The following PCDHA8 variants were observed in gnomAD, a reference collection of about 807,000 sequenced individuals.
PCDHA8 encodes protocadherin alpha-8.
In PCDHA8, 53 loss-of-function variants were observed where a neutral mutation model predicts 61.8. The ratio of observed to expected loss-of-function variants is 0.86; its 90% CI spans 0.69 to 1.08. PCDHA8 has a LOEUF of 1.08. PCDHA8 is among the 50% of genes least tolerant of loss of function. PCDHA8 has a pLI of 0.00. For synonymous variants in PCDHA8, 618 were observed against 556.6 expected, an observed-to-expected ratio of 1.11 and a Z score of -1.55; for missense variants, 1,293 against 1,245.0, an observed-to-expected ratio of 1.04 and a Z score of -0.58.
intron 1 of PCDHA8, among the ~76,000 whole-genome samples, chr5:140,973,587 C>T (rs2096594455): frequency 6.6e-6 from 1 of 152,194 alleles, no homozygotes; most frequent in African/African-American, 2.4e-5. Flanking sequence ...ACTGCTGAGC[C>T]AGATGGAATT....
At chr5:140,864,304 A>G (rs2048411725) in intron 1 of PCDHA8, 1 of 152,230 alleles carries the variant, frequency 6.6e-6, no homozygotes, top group East Asian at 1.9e-4. Flanking sequence ...CAAAAATACC[A>G]TGACAATATT....
chr5:140,965,242 A>T (rs1373643411), intron 1 of PCDHA8, among the ~76,000 whole-genome samples: 2 of 152,196 alleles, frequency 1.3e-5, no homozygotes, highest in African/African-American at 4.8e-5. Context: ...GGGAAGAGTG[A>T]ATATTCAGAA....
At chr5:140,848,296 G>A (rs181978789) in intron 1 of PCDHA8, 6 of 652,806 alleles carry the variant, frequency 9.2e-6, no homozygotes, top group Non-Finnish European at 1.3e-5. Flanking sequence ...TTTGGGCCAC[G>A]TGATGTCACT....
chr5:140,913,055 T>G (rs1554195719), intron 1 of PCDHA8, among the ~76,000 whole-genome samples: 2 of 152,184 alleles, frequency 1.3e-5, no homozygotes, highest in African/African-American at 4.8e-5. Context: ...GAGTTTTATT[T>G]TATTTTGATG....
intron 1 of PCDHA8, chr5:140,928,661 G>A (rs1554206119): frequency 6.2e-7 from 1 of 1,614,218 alleles, no homozygotes; most frequent in Non-Finnish European, 8.5e-7. Flanking sequence ...GATGCTGACA[G>A]TGGTTCTAAT....
chr5:140,941,619 C>T (rs1300512502), intron 1 of PCDHA8, among the ~76,000 whole-genome samples: 1 of 151,848 alleles, frequency 6.6e-6, no homozygotes, highest in African/African-American at 2.4e-5. Flanking sequence ...CCAGCCCATC[C>T]TGCTTCTTAA....
intron 1 of PCDHA8, among the ~76,000 whole-genome samples, chr5:140,893,546 A>T (rs765690335): frequency 2.0e-5 from 3 of 152,210 alleles, no homozygotes; most frequent in Non-Finnish European, 4.4e-5. Context: ...TGTAGGACTT[A>T]TCTAGTTGTA....
chr5:140,949,521 T>C (rs2094388357), intron 1 of PCDHA8, among the ~76,000 whole-genome samples: 1 of 151,932 alleles, frequency 6.6e-6, no homozygotes, highest in East Asian at 1.9e-4. Flanking sequence ...TTGATCCTTT[T>C]ATCTTCATAA....
At chr5:140,861,615 C>G (rs2046996028) in intron 1 of PCDHA8, 1 of 348,276 alleles carries the variant, frequency 2.9e-6, no homozygotes, top group African/African-American at 2.1e-5. Context: ...TAAAGACAAC[C>G]TGCCAGTGTT....
chr5:140,870,726 G>A (rs782321328), intron 1 of PCDHA8: 15 of 1,613,118 alleles, frequency 9.3e-6, no homozygotes, highest in East Asian at 2.2e-5. Flanking sequence ...ATGCGGGCGT[G>A]CCGCCTCTGA....
At chr5:140,875,240 C>A in intron 1 of PCDHA8, 1 of 923,800 alleles carries the variant, frequency 1.1e-6, no homozygotes. Context: ...CTTGTACTTA[C>A]ATAATCAGTC....
At chr5:140,928,293 G>A (rs782241081) in intron 1 of PCDHA8, 1 of 1,614,150 alleles carries the variant, frequency 6.2e-7, no homozygotes, top group South Asian at 1.1e-5. Flanking sequence ...TAGGCCGAGT[G>A]TTTGCCCAGG....
intron 1 of PCDHA8, chr5:140,883,858 G>C (rs2059854560): frequency 6.2e-7 from 1 of 1,613,142 alleles, no homozygotes; most frequent in Middle Eastern, 1.8e-4. Context: ...AGCTGGAGCT[G>C]TTGCAGTTCC....
At chr5:140,923,616 A>T (rs2081445050) in intron 1 of PCDHA8, among the ~76,000 whole-genome samples, 1 of 152,234 alleles carries the variant, frequency 6.6e-6, no homozygotes, top group African/African-American at 2.4e-5. Flanking sequence ...TTATCTGGTC[A>T]TCTTATCCAA....
At chr5:140,877,813 GAA>G in intron 1 of PCDHA8, 1 of 1,610,266 alleles carries the variant, frequency 6.2e-7, no homozygotes, top group Non-Finnish European at 8.5e-7. Flanking sequence ...GCTGTCTCGA[GAA>G]GATTGTTTAA....
chr5:141,006,535 G>A (rs1473022946), intron 3 of PCDHA8, among the ~76,000 whole-genome samples: 1 of 152,118 alleles, frequency 6.6e-6, no homozygotes, highest in Non-Finnish European at 1.5e-5. Context: ...TTTTTAAAGA[G>A]AGACATTAAG....
rs1265467066 is a variant in PCDHA8 at position 140,843,106 on chromosome 5, C to A, written c.1785C>A (p.Arg595=). Residue 595 remains arginine (R), a synonymous_variant, in exon 1 of 4, where the codon CGC becomes CGA. Coordinates refer to ENST00000531613, the MANE Select transcript of PCDHA8 (RefSeq NM_018911.3). ...VGAGHVVAKV[R]AVDADSGYNA... ...CGGGCCACGTGGTAGCGAAGGTGCGCGCAGTGGACGCCGACTCGGGCTACA... is the reference window on the plus strand; with the variant it reads ...CGGGCCACGTGGTAGCGAAGGTGCGAGCAGTGGACGCCGACTCGGGCTACA... 1.7e-5 allele frequency: 27 copies of A among 1,595,592 alleles called. 2 individuals are homozygous for A. The highest frequency in any genetic ancestry group is 8.4e-5 in the Admixed American group (5 of 59,298).
chr5:140,899,551 GC>G (rs1220661801), intron 1 of PCDHA8, among the ~76,000 whole-genome samples: 12 of 152,288 alleles, frequency 7.9e-5, no homozygotes, highest in Middle Eastern at 6.8e-3. Context: ...TGGTGGATAA[GC>G]TTTTTGATGT....
At chr5:140,928,406 G>A (rs782285182) in intron 1 of PCDHA8, 1 of 1,614,050 alleles carries the variant, frequency 6.2e-7, no homozygotes, top group South Asian at 1.1e-5. Flanking sequence ...TCATCCAGTG[G>A]GGCCATCACT....
Sources: allele counts gnomAD v4.1 joint callset (sites outside exome capture counted in the v4.1 genomes callset), GRCh38; gene constraint gnomAD v4.1.1; transcripts MANE v1.5; gene names NCBI Gene and HGNC (gene_info 2026-07-23, HGNC 2026-07-21).